The following DMD variants were observed in gnomAD, a reference collection of about 807,000 sequenced individuals.
DMD encodes the protein dystrophin.
DMD carries 63 observed loss-of-function variants against 330.1 expected under a neutral mutation model. The observed-to-expected ratio is 0.19, with a 90% CI of 0.16 to 0.24. DMD has a LOEUF of 0.24. DMD is among the 10% of genes least tolerant of loss of function. The pLI, the probability that DMD is intolerant of heterozygous loss-of-function variation, is 1.00. For missense variants in DMD, 3,344 were observed against 2,684.1 expected (o/e 1.25, Z -5.43); for synonymous variants, 1,223 against 959.8 (o/e 1.27, Z -5.07).
At chrX:33,049,460 A>G (rs1478757431) in intron 1 of DMD, among the ~76,000 whole-genome samples, 1 of 111,654 alleles carries the variant, frequency 9.0e-6, no homozygotes, top group African/African-American at 3.3e-5. Flanking sequence ...TAAAAGGCAA[A>G]CATGGGGAAA....
At chrX:32,098,224 C>A (rs181036199) in intron 44 of DMD, among the ~76,000 whole-genome samples, 110 of 110,868 alleles carry the variant, frequency 9.9e-4, no homozygotes, top group African/African-American at 3.3e-3. Context: ...ATGTAAAAAT[C>A]ATATAAATAT....
chrX:31,942,455 A>G (rs2095019981), intron 45 of DMD, among the ~76,000 whole-genome samples: 2 of 111,997 alleles, frequency 1.8e-5, no homozygotes, highest in Admixed American at 1.9e-4. Flanking sequence ...CTATTTCTTC[A>G]TCTTTCTTTG....
At chrX:32,698,816 G>A (rs747474557) in intron 8 of DMD, among the ~76,000 whole-genome samples, 2 of 110,730 alleles carry the variant, frequency 1.8e-5, no homozygotes, top group South Asian at 7.6e-4. Context: ...ACGTAAGTTT[G>A]CCTTTCATTT....
chrX:33,171,362 G>C lies in DMD; in HGVS notation c.31+39920C>G, dbSNP rs144095592. 3.1e-3 allele frequency among the ~76,000 whole-genome samples: 349 copies of C among 111,268 alleles called. 2 individuals carry two copies. The highest frequency in any genetic ancestry group is 0.011 in the African/African-American group (334 of 30,753). Reference sequence around the variant, plus strand: ...AAAAGGAGATTCAAGATATGGCTTAGTTTTAATGTTAATGCTACAGTAGTA... The same window carrying C: ...AAAAGGAGATTCAAGATATGGCTTACTTTTAATGTTAATGCTACAGTAGTA... On this transcript the variant is annotated intron_variant, in intron 1 of 78. Transcript: ENST00000357033.
chrX:32,873,622 C>T (rs1350176212), intron 2 of DMD, among the ~76,000 whole-genome samples: 1 of 111,716 alleles, frequency 9.0e-6, no homozygotes, highest in Non-Finnish European at 1.9e-5. Flanking sequence ...ATACTCTCAG[C>T]ACTCACAGTC....
intron 60 of DMD, among the ~76,000 whole-genome samples, chrX:31,358,245 T>A (rs952970412): frequency 1.8e-5 from 2 of 111,340 alleles, no homozygotes; most frequent in African/African-American, 3.3e-5. Flanking sequence ...TTTTTCCAAA[T>A]GTGGCTTTAC....
intron 43 of DMD, among the ~76,000 whole-genome samples, chrX:32,227,466 C>G (rs1167505396): frequency 9.4e-6 from 1 of 106,272 alleles, no homozygotes; most frequent in Non-Finnish European, 1.9e-5. Flanking sequence ...AACAGAAAGT[C>G]AAATATTGCA....
At chrX:32,937,673 A>G (rs748764120) in intron 2 of DMD, among the ~76,000 whole-genome samples, 1 of 108,462 alleles carries the variant, frequency 9.2e-6, no homozygotes, top group African/African-American at 3.4e-5. Flanking sequence ...GTATACATGG[A>G]TGGATGCATG....
chrX:33,180,158 CCTA>C (rs1323069386), intron 1 of DMD, among the ~76,000 whole-genome samples: 1 of 111,577 alleles, frequency 9.0e-6, no homozygotes, highest in Non-Finnish European at 1.9e-5. Context: ...ATTGCTATTC[CCTA>C]CTATTTATTA....
intron 60 of DMD, among the ~76,000 whole-genome samples, chrX:31,411,272 C>T (rs1478687202): frequency 1.8e-5 from 2 of 111,430 alleles, no homozygotes; most frequent in Admixed American, 9.6e-5. Flanking sequence ...ACAGCAGAAG[C>T]ATGGCAATGA....
intron 44 of DMD, among the ~76,000 whole-genome samples, chrX:32,007,407 T>A (rs1050902321): frequency 1.8e-5 from 2 of 109,730 alleles, no homozygotes; most frequent in Non-Finnish European, 1.9e-5. Context: ...TTCAGAGGGA[T>A]AATTGACCTT....
chrX:32,096,940 A>G (rs905283612), intron 44 of DMD, among the ~76,000 whole-genome samples: 1 of 111,974 alleles, frequency 8.9e-6, no homozygotes, highest in African/African-American at 3.2e-5. Context: ...TAGAATAACG[A>G]CAGCTTTAAT....
intron 1 of DMD, among the ~76,000 whole-genome samples, chrX:33,146,974 T>C (rs887850283): frequency 9.1e-5 from 10 of 109,974 alleles, no homozygotes; most frequent in Admixed American, 2.9e-4. Context: ...AGGTGTGTGC[T>C]ACTACACCTG....
At chrX:32,659,846 C>A (rs2060830628) in intron 9 of DMD, among the ~76,000 whole-genome samples, 1 of 110,525 alleles carries the variant, frequency 9.0e-6, no homozygotes, top group South Asian at 3.9e-4. Flanking sequence ...GAAAGAGATT[C>A]TTGGAATCTC....
At chrX:33,241,158 C>G (rs1035642771) in intron 1 of DMD, among the ~76,000 whole-genome samples, 1 of 111,660 alleles carries the variant, frequency 9.0e-6, no homozygotes, top group African/African-American at 3.3e-5. Flanking sequence ...GGAGACTTCC[C>G]TTATGTTTCC....
At chrX:31,327,188 C>T (rs1049337464) in intron 61 of DMD, among the ~76,000 whole-genome samples, 6 of 112,250 alleles carry the variant, frequency 5.3e-5, no homozygotes, top group African/African-American at 1.9e-4. Flanking sequence ...GTATTGTCCA[C>T]TGAATTTAGA....
chrX:32,469,411 T>G (rs537107631), intron 22 of DMD, among the ~76,000 whole-genome samples: 6 of 110,513 alleles, frequency 5.4e-5, no homozygotes, highest in African/African-American at 2.0e-4. Context: ...TTATATAAAT[T>G]TTCAATTTGT....
intron 5 of DMD, among the ~76,000 whole-genome samples, chrX:32,819,836 G>C (rs1412560336): frequency 1.1e-5 from 1 of 91,084 alleles, no homozygotes; most frequent in Non-Finnish European, 2.1e-5. Flanking sequence ...AAGAAAATAT[G>C]TAATGTTGGT....
In DMD at chrX:32,635,427, C is replaced by A. The variant is rs374255315; in HGVS notation, c.1331+8705G>T. Reference sequence around the variant, plus strand: ...GAGGCTTCTGTTTGGCGATTTTTCTCCACCTCCTCCACAATAAACTTCGAG... The same window carrying A: ...GAGGCTTCTGTTTGGCGATTTTTCTACACCTCCTCCACAATAAACTTCGAG... On this transcript the variant is annotated intron_variant, in intron 11 of 78. Coordinates refer to ENST00000357033, the MANE Select transcript of DMD (RefSeq NM_004006.3). Among the ~76,000 whole-genome samples the A allele has an allele frequency of 7.2e-5, 8 of 111,478 alleles. No individual in the cohort carries two copies. In the East Asian group the frequency reaches 1.4e-3, roughly 20 times the overall value.
Sources: gnomAD v4.1 joint callset for allele counts (sites outside exome capture counted in the v4.1 genomes callset) on GRCh38, gnomAD v4.1.1 for gene constraint, MANE v1.5 for transcripts, NCBI Gene and HGNC (gene_info 2026-07-23, HGNC 2026-07-21) for gene names.